Variants in BIRC6 observed in about 807,000 individuals in gnomAD.
The protein encoded by BIRC6 is baculoviral IAP repeat containing 6.
A neutral mutation model predicts 503.3 loss-of-function variants in BIRC6; 98 were observed. That is an observed-to-expected ratio of 0.19 (90% CI 0.17 to 0.23). The LOEUF is 0.23. Ranked by LOEUF, BIRC6 falls within the 10% of genes least tolerant of loss-of-function variation. BIRC6 has a pLI of 1.00. For missense variants in BIRC6, 5,360 were observed against 5,806.0 expected (o/e 0.92, Z 2.50); for synonymous variants, 2,240 against 2,078.7 (o/e 1.08, Z -2.11).
intron 1 of BIRC6, among the ~76,000 whole-genome samples, chr2:32,363,146 C>T (rs529094469): frequency 6.6e-6 from 1 of 152,100 alleles, no homozygotes; most frequent in Admixed American, 6.5e-5. Context: ...GCCTAGGCAA[C>T]ATAGTGAGAC....
At chr2:32,380,585 G>T (rs2037475855) in intron 3 of BIRC6, among the ~76,000 whole-genome samples, 1 of 152,096 alleles carries the variant, frequency 6.6e-6, no homozygotes, top group African/African-American at 2.4e-5. Context: ...AAATTAGCCA[G>T]GCGTGGTGGC....
Position 32,515,399 on chromosome 2 carries a change from T to G in BIRC6, c.10978T>G (p.Ser3660Ala). Reference protein sequence around the residue: ...SESIAQSIDISQDKLRRHHVP... With the variant: ...SESIAQSIDIAQDKLRRHHVP... ...AAGCATTGCCCAGTCAATAGATATT[T>G]CCCAGGACAAACTCAGGCGCCATCA... The change falls in exon 55 of 74, where the codon TCC becomes GCC. Residue 3660 changes from serine (S) to alanine (A), a missense_variant. This residue lies in a region of BIRC6 where 878 missense variants were observed against 928.9 expected (regional missense o/e 0.95). Transcript: ENST00000421745. 1 of 1,613,302 alleles carries G rather than the reference T, an allele frequency of 6.2e-7. No individual in the cohort carries two copies. The highest frequency in any genetic ancestry group is 8.5e-7 in the Non-Finnish European group (1 of 1,179,866).
chr2:32,577,502 C>T (rs1384601291), intron 66 of BIRC6, among the ~76,000 whole-genome samples: 2 of 151,926 alleles, frequency 1.3e-5, no homozygotes, highest in Non-Finnish European at 2.9e-5. Context: ...AAAATAAAAC[C>T]AGTAAATAAT....
At chr2:32,609,285 CTGTGTGTGTG>C (rs58379253) in intron 72 of BIRC6, among the ~76,000 whole-genome samples, 3 of 147,552 alleles carry the variant, frequency 2.0e-5, no homozygotes, top group African/African-American at 5.0e-5. Flanking sequence ...AAGTGTGGCT[CTGTGTGTGTG>C]TGTGTGTGTG....
chr2:32,575,413 T>C, intron 66 of BIRC6, 47 bp downstream of exon 66: 1 of 1,550,420 alleles, frequency 6.4e-7, no homozygotes, highest in Middle Eastern at 1.8e-4. Context: ...TCTAACAATG[T>C]TTTTAAAATA....
At chr2:32,488,188 A>G (rs966407934) in intron 41 of BIRC6, among the ~76,000 whole-genome samples, 1 of 152,222 alleles carries the variant, frequency 6.6e-6, no homozygotes, top group Admixed American at 6.5e-5. Context: ...AATAAAGTAA[A>G]AAAAATTAAC....
At chr2:32,371,671 C>T (rs2035976847) in intron 1 of BIRC6, among the ~76,000 whole-genome samples, 1 of 149,400 alleles carries the variant, frequency 6.7e-6, no homozygotes, top group African/African-American at 2.5e-5. Context: ...GCATGAGCTA[C>T]CATGCCTGGC....
At chr2:32,419,813 G>T (rs1199809394) in intron 10 of BIRC6, among the ~76,000 whole-genome samples, 1 of 152,132 alleles carries the variant, frequency 6.6e-6, no homozygotes, top group African/African-American at 2.4e-5. Context: ...CACTATCTGG[G>T]ATTATTGGAC....
chr2:32,611,159 G>A (rs1230956778), intron 72 of BIRC6, among the ~76,000 whole-genome samples: 1 of 149,824 alleles, frequency 6.7e-6, no homozygotes, highest in Non-Finnish European at 1.5e-5. Context: ...AGGCTGGAGT[G>A]CAGTGGCGCG....
At chr2:32,574,148 G>C (rs906447973) in intron 65 of BIRC6, among the ~76,000 whole-genome samples, 1 of 146,058 alleles carries the variant, frequency 6.8e-6, no homozygotes, top group African/African-American at 2.5e-5. Context: ...GAGAATCCAA[G>C]TATAACTTTT....
At chr2:32,421,088 GTTTCTTTC>G (rs576842385) in intron 10 of BIRC6, among the ~76,000 whole-genome samples, 59 of 143,530 alleles carry the variant, frequency 4.1e-4, no homozygotes, top group East Asian at 2.8e-3. Flanking sequence ...CTCTTCTCTA[GTTTCTTTC>G]TTTCTTTCTT....
chr2:32,569,148 C>T (rs2059749718), intron 65 of BIRC6, among the ~76,000 whole-genome samples: 1 of 151,864 alleles, frequency 6.6e-6, no homozygotes, highest in Non-Finnish European at 1.5e-5. Context: ...CACAACGAGG[C>T]CCAGGTAATT....
intron 13 of BIRC6, among the ~76,000 whole-genome samples, chr2:32,434,694 A>T (rs185519567): frequency 3.9e-4 from 59 of 152,016 alleles, no homozygotes; most frequent in East Asian, 5.8e-4. Flanking sequence ...AAATTTTTTT[A>T]AAAAAATTAG....
Position 32,377,700 on chromosome 2 carries a change from A to G in BIRC6, c.438A>G (p.Leu146=). 6.2e-7 allele frequency: 1 copy of G among 1,613,790 alleles called. No homozygotes were observed. The highest frequency in any genetic ancestry group is 8.5e-7 in the Non-Finnish European group (1 of 1,179,782). ...AGGACCTTAATGGAATCTTGTTGTT[A>G]GACACTGCTCTGCAAACTCCAGTTT... ...CRKDLNGILL[L]DTALQTPVSK... The change falls in exon 2 of 74, where the codon TTA becomes TTG. Residue 146 remains leucine, a synonymous_variant. Transcript: ENST00000421745.
intron 25 of BIRC6, 95 bp downstream of exon 25, chr2:32,464,918 G>C: frequency 1.4e-6 from 2 of 1,442,180 alleles, no homozygotes; most frequent in Non-Finnish European, 1.9e-6. Flanking sequence ...ATACCAACTA[G>C]ATGTATCAAG....
chr2:32,547,510 G>A (rs1293839854), intron 63 of BIRC6, among the ~76,000 whole-genome samples: 1 of 152,026 alleles, frequency 6.6e-6, no homozygotes, highest in African/African-American at 2.4e-5. Context: ...TGTTTTCTAG[G>A]TTTATTCGTG....
At chr2:32,557,948 A>C (rs1204715123) in intron 65 of BIRC6, 1 of 152,224 alleles carries the variant, frequency 6.6e-6, no homozygotes. Context: ...CATACTAGAA[A>C]ATTGCTAGAA....
chr2:32,525,179 T>C (rs566059670), intron 58 of BIRC6, among the ~76,000 whole-genome samples, 160 bp downstream of exon 58: 1 of 152,312 alleles, frequency 6.6e-6, no homozygotes, highest in Non-Finnish European at 1.5e-5. Flanking sequence ...TTTTATTTTT[T>C]TTCACTTTCC....
In BIRC6 at chr2:32,553,591, C is replaced by T. The variant is rs142745895; in HGVS notation, c.13144+4110C>T. Among the ~76,000 whole-genome samples the T allele has an allele frequency of 7.2e-3, 1,099 of 151,900 alleles. 7 individuals carry two copies. Among genetic ancestry groups the T allele is most frequent in the Middle Eastern group, 0.02 (6 of 294 alleles). On this transcript the variant is annotated intron_variant, in intron 65 of 73. Transcript: ENST00000421745. ...TTTGAGTAAAGACAGGGTTTCACCA[C>T]GTTGGCCAGGCCGGTCTCGAACTCC...
Sources: allele counts gnomAD v4.1 joint callset (sites outside exome capture counted in the v4.1 genomes callset), GRCh38; gene constraint gnomAD v4.1.1; regional missense constraint gnomAD v4.1.1; transcripts MANE v1.5; gene names NCBI Gene and HGNC (gene_info 2026-07-23, HGNC 2026-07-21).